SFMBT2: variants seen among roughly 807,000 people sequenced by gnomAD.
SFMBT2 encodes scm-like with four MBT domains protein 2.
SFMBT2 carries 38 observed loss-of-function variants against 110.1 expected under a neutral mutation model. The ratio of observed to expected loss-of-function variants is 0.35; its 90% CI spans 0.27 to 0.45. The LOEUF is 0.45. Among genes scored for constraint, SFMBT2 ranks in the 20% least tolerant of loss-of-function variants. SFMBT2 has a pLI of 1.00. For missense variants in SFMBT2, 1,011 were observed against 1,094.9 expected (o/e 0.92, Z 1.08); for synonymous variants, 425 against 425.4 (o/e 1.00, Z 0.01).
chr10:7,207,148 C>T (rs1394826452), intron 11 of SFMBT2, among the ~76,000 whole-genome samples: 1 of 152,050 alleles, frequency 6.6e-6, no homozygotes, highest in Non-Finnish European at 1.5e-5. Context: ...TTGCTTGAGT[C>T]TAGGAGTTTG....
chr10:7,266,107 T>G (rs1841381865), intron 7 of SFMBT2, among the ~76,000 whole-genome samples: 1 of 151,902 alleles, frequency 6.6e-6, no homozygotes, highest in South Asian at 2.1e-4. Flanking sequence ...TTTTTTTCTT[T>G]GAGACAGAGT....
intron 17 of SFMBT2, among the ~76,000 whole-genome samples, chr10:7,173,508 A>G (rs1212349997): frequency 6.6e-6 from 1 of 152,244 alleles, no homozygotes; most frequent in Non-Finnish European, 1.5e-5. Context: ...ACATCATTGT[A>G]TACTTTATTT....
At position 7,301,965 on chromosome 10, in the gene SFMBT2, T is replaced by C. The variant is rs1842569342; in HGVS notation, c.437-16011A>G. Among the ~76,000 whole-genome samples, 1 of 151,976 alleles carries C rather than the reference T, an allele frequency of 6.6e-6. No individual in the cohort carries two copies. Among genetic ancestry groups the C allele is most frequent in the Non-Finnish European group, 1.5e-5 (1 of 68,004 alleles). On this transcript the variant is annotated intron_variant, in intron 4 of 20. Coordinates refer to ENST00000397167, the MANE Select transcript of SFMBT2 (RefSeq NM_001387889.1). The surrounding 1 kb of genome is among the most constrained non-coding windows in gnomAD (Gnocchi z 4.2). Reference sequence around the variant, plus strand: ...CTGACCCCAAGGGACAGGGGAGGTGTGGACTGGGGGAAGCACAGAGACCGT... The same window carrying C: ...CTGACCCCAAGGGACAGGGGAGGTGCGGACTGGGGGAAGCACAGAGACCGT...
intron 7 of SFMBT2, among the ~76,000 whole-genome samples, chr10:7,270,014 C>A (rs1461173558): frequency 6.6e-6 from 1 of 151,848 alleles, no homozygotes; most frequent in Non-Finnish European, 1.5e-5. Context: ...AGAGTGTCTC[C>A]CTGCAAATTC....
chr10:7,288,706 C>T (rs1842173399), intron 4 of SFMBT2, among the ~76,000 whole-genome samples: 1 of 152,162 alleles, frequency 6.6e-6, no homozygotes, highest in Non-Finnish European at 1.5e-5. Context: ...GCTTCTTCGT[C>T]ATTAACTCTT....
intron 4 of SFMBT2, among the ~76,000 whole-genome samples, chr10:7,329,901 C>A (rs995790038): frequency 2.0e-5 from 3 of 152,214 alleles, no homozygotes; most frequent in Non-Finnish European, 4.4e-5. Context: ...AACAAAGCCA[C>A]CCAGATTCAA....
chr10:7,386,211 T>C (rs1026194634), intron 1 of SFMBT2, among the ~76,000 whole-genome samples: 1 of 152,180 alleles, frequency 6.6e-6, no homozygotes, highest in Non-Finnish European at 1.5e-5. Flanking sequence ...TGTGATTACT[T>C]TCGAGACATT....
chr10:7,410,121 G>C (rs1846332748), intron 1 of SFMBT2, among the ~76,000 whole-genome samples: 1 of 152,216 alleles, frequency 6.6e-6, no homozygotes, highest in African/African-American at 2.4e-5. Flanking sequence ...AATTTTGAAA[G>C]GGGGTCGAAT....
intron 17 of SFMBT2, among the ~76,000 whole-genome samples, chr10:7,175,633 C>T (rs192085309): frequency 1.3e-5 from 2 of 152,284 alleles, no homozygotes; most frequent in East Asian, 3.9e-4. Flanking sequence ...CTGAAAGAGT[C>T]ATCTGGGTTA....
intron 2 of SFMBT2, among the ~76,000 whole-genome samples, chr10:7,379,787 T>C (rs558838297): frequency 6.6e-6 from 1 of 152,318 alleles, no homozygotes; most frequent in East Asian, 1.9e-4. Context: ...AACATGAGTA[T>C]ACATGGGTTT....
intron 4 of SFMBT2, among the ~76,000 whole-genome samples, chr10:7,351,880 A>AAT (rs1554808465): frequency 4.7e-4 from 71 of 149,670 alleles, no homozygotes; most frequent in South Asian, 4.3e-3. Flanking sequence ...TAAAAAAAAA[A>AAT]ATATATATAT....
intron 16 of SFMBT2, among the ~76,000 whole-genome samples, chr10:7,183,512 C>T (rs946721533): frequency 6.6e-6 from 1 of 152,166 alleles, no homozygotes; most frequent in East Asian, 1.9e-4. Flanking sequence ...AGTTGAGATT[C>T]GACAGATACA....
At chr10:7,263,959 G>C (rs958386344) in intron 7 of SFMBT2, 1 of 201,508 alleles carries the variant, frequency 5.0e-6, no homozygotes. Context: ...TCCCTCCTAA[G>C]GGTTAAATCT....
intron 4 of SFMBT2, among the ~76,000 whole-genome samples, chr10:7,311,558 G>T (rs747515929): frequency 6.6e-6 from 1 of 152,184 alleles, no homozygotes; most frequent in Non-Finnish European, 1.5e-5. Context: ...CAGTCGCTCA[G>T]CTACACAGAG....
intron 1 of SFMBT2, among the ~76,000 whole-genome samples, chr10:7,409,097 C>T (rs1846301435): frequency 7.1e-6 from 1 of 141,040 alleles, no homozygotes; most frequent in Non-Finnish European, 1.5e-5. Context: ...CACCCCACCA[C>T]CACCACCACC....
chr10:7,365,323 T>C (rs1844857696), intron 4 of SFMBT2, among the ~76,000 whole-genome samples: 2 of 152,230 alleles, frequency 1.3e-5, no homozygotes, highest in Middle Eastern at 3.2e-3. Context: ...AGAGCGCACG[T>C]GCTTCCTCCT....
At chr10:7,297,914 A>G (rs1024343181) in intron 4 of SFMBT2, among the ~76,000 whole-genome samples, 3 of 152,126 alleles carry the variant, frequency 2.0e-5, no homozygotes, top group Non-Finnish European at 4.4e-5. Flanking sequence ...CCTCCCTGTT[A>G]TCAGCACCCC....
intron 6 of SFMBT2, among the ~76,000 whole-genome samples, chr10:7,277,971 C>T (rs1014499475): frequency 1.1e-4 from 17 of 152,178 alleles, no homozygotes; most frequent in African/African-American, 1.9e-4. Context: ...CCCCTGTTTC[C>T]GCAGTTTATT....
intron 11 of SFMBT2, among the ~76,000 whole-genome samples, chr10:7,209,030 C>T (rs1050842358): frequency 6.6e-6 from 1 of 152,196 alleles, no homozygotes; most frequent in African/African-American, 2.4e-5. Context: ...AGTTATTTAT[C>T]ACCTGGGAAA....
Sources: gnomAD v4.1 joint callset for allele counts (sites outside exome capture counted in the v4.1 genomes callset) on GRCh38, gnomAD v4.1.1 for gene constraint, Gnocchi (gnomAD v3.1) non-coding constraint, MANE v1.5 for transcripts, NCBI Gene and HGNC (gene_info 2026-07-23, HGNC 2026-07-21) for gene names.